SPTLC1: variants seen among roughly 807,000 people sequenced by gnomAD.
The protein encoded by SPTLC1 is serine palmitoyltransferase 1.
In SPTLC1, 55 loss-of-function variants were observed where a neutral mutation model predicts 68.9. The ratio of observed to expected loss-of-function variants is 0.80; its 90% CI spans 0.64 to 1.00. The LOEUF (loss-of-function observed/expected upper bound fraction) is 1.00, where lower values mean the gene tolerates loss of function less well. Among genes scored for constraint, SPTLC1 ranks in the 50% least tolerant of loss-of-function variants. The pLI is 0.00. For missense variants in SPTLC1, 449 were observed against 573.1 expected, an observed-to-expected ratio of 0.78 and a Z score of 2.21; for synonymous variants, 197 against 201.6, an observed-to-expected ratio of 0.98 and a Z score of 0.19.
chr9:92,052,575 G>A (rs1336749072), intron 8 of SPTLC1, among the ~76,000 whole-genome samples: 1 of 151,642 alleles, frequency 6.6e-6, no homozygotes, highest in Non-Finnish European at 1.5e-5. Flanking sequence ...TGTTGCCCAG[G>A]CTGGAGTGCA....
chr9:92,035,810 G>A (rs1228544446), intron 13 of SPTLC1, among the ~76,000 whole-genome samples: 1 of 152,190 alleles, frequency 6.6e-6, no homozygotes, highest in African/African-American at 2.4e-5. Flanking sequence ...ACCATACTAG[G>A]CAATGACAAC....
At chr9:92,069,010 C>T (rs1215680964) in intron 5 of SPTLC1, among the ~76,000 whole-genome samples, 2 of 152,108 alleles carry the variant, frequency 1.3e-5, no homozygotes, top group Non-Finnish European at 2.9e-5. Flanking sequence ...CACCACAGGC[C>T]CTGTGTGGAG....
chr9:92,094,599 G>C (rs1835468655), intron 3 of SPTLC1, among the ~76,000 whole-genome samples: 1 of 152,196 alleles, frequency 6.6e-6, no homozygotes, highest in South Asian at 2.1e-4. Context: ...GAGATTATCT[G>C]ACATGTTAAC....
At chr9:92,114,492 T>C (rs1836364172) in intron 1 of SPTLC1, among the ~76,000 whole-genome samples, 1 of 152,118 alleles carries the variant, frequency 6.6e-6, no homozygotes, top group African/African-American at 2.4e-5. Flanking sequence ...TCCCAGCACT[T>C]TGGGAGGCCA....
At chr9:92,114,111 TAA>T (rs1010458159) in intron 1 of SPTLC1, among the ~76,000 whole-genome samples, 3 of 141,320 alleles carry the variant, frequency 2.1e-5, no homozygotes, top group Admixed American at 7.0e-5. Flanking sequence ...CCGTCTCTAT[TAA>T]AAAAAAAAAA....
chr9:92,067,815 A>G, intron 6 of SPTLC1, 151 bp downstream of exon 6: 1 of 870,696 alleles, frequency 1.1e-6, no homozygotes, highest in Non-Finnish European at 1.8e-6. Context: ...AAGGTTTCAC[A>G]AATTTTGAAA....
intron 6 of SPTLC1, among the ~76,000 whole-genome samples, chr9:92,060,260 C>T (rs1159673506): frequency 6.6e-6 from 1 of 152,136 alleles, no homozygotes; most frequent in Non-Finnish European, 1.5e-5. Context: ...ACTACAGCGG[C>T]ACAATATGAA....
intron 8 of SPTLC1, chr9:92,050,811 A>ATTGTTTTTTTTT (rs1833680579): frequency 9.5e-6 from 1 of 104,978 alleles, no homozygotes; most frequent in African/African-American, 4.7e-5. Flanking sequence ...CACAATACTG[A>ATTGTTTTTTTTT]TTTTTTTTTT....
At position 92,089,036 on chromosome 9, in the gene SPTLC1, G is replaced by T. The variant is rs182964613; in HGVS notation, c.261-8073C>A. Among the ~76,000 whole-genome samples the T allele has an allele frequency of 2.0e-3, 300 of 152,344 alleles. 1 individual carries two copies. Among genetic ancestry groups the T allele is most frequent in the Non-Finnish European group, 3.5e-3 (241 of 68,034 alleles). On this transcript the variant is annotated intron_variant, in intron 3 of 14. Coordinates refer to ENST00000262554, the MANE Select transcript of SPTLC1 (RefSeq NM_006415.4). ...ATACAAGACATGCAGAAGGGCCACT[G>T]CCCAAGAACGCGAGACGCTGGACAC... is the stretch of plus-strand genomic sequence containing the variant.
In SPTLC1 at chr9:92,091,571, A is replaced by G. The variant is rs1835362309; in HGVS notation, c.261-10608T>C. 5.9e-5 allele frequency among the ~76,000 whole-genome samples: 9 copies of G among 152,270 alleles called. No homozygotes were observed. The South Asian group carries it at 1.4e-3, about 25-fold the overall frequency. ...TAAATATATATGTGCAATTACATTA[A>G]TAAATCAAATAACATTATTTTTGGC... On this transcript the variant is annotated intron_variant, in intron 3 of 14. Coordinates refer to ENST00000262554, the MANE Select transcript of SPTLC1 (RefSeq NM_006415.4).
intron 3 of SPTLC1, among the ~76,000 whole-genome samples, chr9:92,087,066 G>A (rs1165692190): frequency 6.6e-6 from 1 of 152,012 alleles, no homozygotes; most frequent in Non-Finnish European, 1.5e-5. Flanking sequence ...TCTTCACATA[G>A]TTCTCGAGCC....
intron 8 of SPTLC1, chr9:92,053,978 C>T: frequency 2.0e-6 from 2 of 985,380 alleles, no homozygotes; most frequent in Non-Finnish European, 2.4e-6. Flanking sequence ...ATGCTGCTTT[C>T]ACTATTAAAA....
rs529148501 is a variant in SPTLC1 at position 92,097,176 on chromosome 9, A to G, written c.260+11564T>C. ...AAAATAGAAAATAATAAGCATTGCT[A>G]AGGATGTGAAGAAATTGTAAACCTC... On this transcript the variant is annotated intron_variant, in intron 3 of 14. Coordinates refer to ENST00000262554, the MANE Select transcript of SPTLC1 (RefSeq NM_006415.4). Among the ~76,000 whole-genome samples the G allele has an allele frequency of 2.6e-5, 4 of 152,324 alleles. No individual in the cohort carries two copies. In the South Asian group the frequency reaches 8.3e-4, roughly 32 times the overall value.
intron 3 of SPTLC1, among the ~76,000 whole-genome samples, chr9:92,083,945 G>C (rs2118702976): frequency 6.6e-6 from 1 of 152,300 alleles, no homozygotes; most frequent in South Asian, 2.1e-4. Context: ...TCTCCTTGAA[G>C]GGGTCCTTCA....
chr9:92,046,377 C>T, intron 11 of SPTLC1: 1 of 258,732 alleles, frequency 3.9e-6, no homozygotes, highest in East Asian at 7.5e-5. Context: ...TTTCTTTATC[C>T]TAAACAATTT....
At chr9:92,060,404 T>TA (rs1023793247) in intron 6 of SPTLC1, among the ~76,000 whole-genome samples, 12 of 152,040 alleles carry the variant, frequency 7.9e-5, no homozygotes, top group African/African-American at 2.7e-4. Context: ...GCAGCCACGA[T>TA]AAAAATATTT....
intron 7 of SPTLC1, among the ~76,000 whole-genome samples, chr9:92,056,547 C>A (rs1172936385): frequency 6.6e-6 from 1 of 152,124 alleles, no homozygotes; most frequent in Admixed American, 6.6e-5. Flanking sequence ...AAAAAACACA[C>A]ACCTTCACAC....
rs1300345685 is a variant in SPTLC1 at position 92,032,662 on chromosome 9, G to A, written c.1329-104C>T. 8.9e-6 allele frequency: 13 copies of A among 1,455,386 alleles called. No individual in the cohort carries two copies. In the African/African-American group the frequency reaches 1.4e-4, roughly 16 times the overall value. The allele number at this position is 1,455,386 out of a possible 1,614,324, so 90.2% of individuals were successfully genotyped here. ...GAGGCCAAGGCAGGTGGATCACGAGGTCAGGAGATCGAGACCATCCTGGCT... is the reference window on the plus strand; with the variant it reads ...GAGGCCAAGGCAGGTGGATCACGAGATCAGGAGATCGAGACCATCCTGGCT... On this transcript the variant is annotated intron_variant, in intron 14 of 14. Coordinates refer to ENST00000262554, the MANE Select transcript of SPTLC1 (RefSeq NM_006415.4).
At chr9:92,046,556 T>C (rs1192162986) in intron 11 of SPTLC1, among the ~76,000 whole-genome samples, 1 of 152,204 alleles carries the variant, frequency 6.6e-6, no homozygotes, top group Non-Finnish European at 1.5e-5. Context: ...TTTCTGGTTC[T>C]CTGAATTAGT....
Sources: allele counts gnomAD v4.1 joint callset (sites outside exome capture counted in the v4.1 genomes callset), GRCh38; gene constraint gnomAD v4.1.1; transcripts MANE v1.5; gene names NCBI Gene and HGNC (gene_info 2026-07-23, HGNC 2026-07-21).